Variants in DCC observed in about 807,000 individuals in gnomAD.
DCC encodes netrin receptor DCC.
In DCC, 58 loss-of-function variants were observed where a neutral mutation model predicts 172.5. The observed-to-expected ratio is 0.34, with a 90% confidence interval of 0.27 to 0.42. The LOEUF (loss-of-function observed/expected upper bound fraction) is 0.42, where lower values mean the gene tolerates loss of function less well. DCC is among the 10% of genes least tolerant of loss of function. The pLI is 1.00. For synonymous variants in DCC, 709 were observed against 644.5 expected, an observed-to-expected ratio of 1.10 and a Z score of -1.52; for missense variants, 1,740 against 1,791.0, an observed-to-expected ratio of 0.97 and a Z score of 0.51.
At chr18:52,760,666 C>T (rs1308694725) in intron 2 of DCC, among the ~76,000 whole-genome samples, 2 of 152,138 alleles carry the variant, frequency 1.3e-5, no homozygotes, top group African/African-American at 2.4e-5. Context: ...ATTTCTGGTA[C>T]TGATTTTTGT....
intron 2 of DCC, among the ~76,000 whole-genome samples, chr18:52,847,331 T>A (rs1017791806): frequency 1.3e-5 from 2 of 152,220 alleles, no homozygotes; most frequent in African/African-American, 4.8e-5. Context: ...GCCATTGTGT[T>A]GGAGTAGAAT....
intron 2 of DCC, among the ~76,000 whole-genome samples, chr18:52,862,918 C>G (rs2039166581): frequency 6.6e-6 from 1 of 152,070 alleles, no homozygotes; most frequent in Non-Finnish European, 1.5e-5. Flanking sequence ...TAATGCTACA[C>G]AAATATCTTG....
At chr18:53,145,473 G>A (rs2043898384) in intron 7 of DCC, among the ~76,000 whole-genome samples, 1 of 152,154 alleles carries the variant, frequency 6.6e-6, no homozygotes, top group Non-Finnish European at 1.5e-5. Context: ...GAGCTGTCTT[G>A]CCCTTTCTAC....
chr18:52,372,071 A>G (rs187041864), intron 1 of DCC, among the ~76,000 whole-genome samples: 38 of 152,352 alleles, frequency 2.5e-4, no homozygotes, highest in Admixed American at 2.3e-3. Context: ...ATATCAGAAT[A>G]TGTCAAACAA....
intron 12 of DCC, among the ~76,000 whole-genome samples, chr18:53,257,185 C>T (rs2056529007): frequency 6.6e-6 from 1 of 152,138 alleles, no homozygotes; most frequent in African/African-American, 2.4e-5. Flanking sequence ...TCCTCTTTTC[C>T]TAATTGAATA....
At chr18:53,254,059 T>G (rs1568392915) in intron 12 of DCC, among the ~76,000 whole-genome samples, 1 of 152,030 alleles carries the variant, frequency 6.6e-6, no homozygotes, top group Non-Finnish European at 1.5e-5. Flanking sequence ...AGGAGAGTTG[T>G]AAAAGCTAAT....
intron 15 of DCC, among the ~76,000 whole-genome samples, chr18:53,360,806 A>T (rs2057936943): frequency 6.6e-6 from 1 of 152,188 alleles, no homozygotes; most frequent in Non-Finnish European, 1.5e-5. Context: ...ATTTTCTTCT[A>T]CAAGCATTTA....
At chr18:52,596,849 A>T (rs2033918870) in intron 1 of DCC, among the ~76,000 whole-genome samples, 1 of 152,150 alleles carries the variant, frequency 6.6e-6, no homozygotes. Flanking sequence ...CAGGTCAGCA[A>T]TCTTGCCTGG....
At chr18:53,307,334 G>A (rs1009439797) in intron 13 of DCC, among the ~76,000 whole-genome samples, 1 of 151,982 alleles carries the variant, frequency 6.6e-6, no homozygotes, top group South Asian at 2.1e-4. Flanking sequence ...TGGGGAAGAT[G>A]GTAAAAATAA....
intron 2 of DCC, among the ~76,000 whole-genome samples, chr18:52,882,250 G>A (rs895946951): frequency 1.3e-5 from 2 of 150,328 alleles, no homozygotes; most frequent in African/African-American, 2.4e-5. Context: ...TTTTGGGTTC[G>A]ACTTGCCCTT....
intron 9 of DCC, among the ~76,000 whole-genome samples, chr18:53,190,066 A>G (rs1173960354): frequency 6.6e-6 from 1 of 152,190 alleles, no homozygotes; most frequent in Non-Finnish European, 1.5e-5. Context: ...AGCTGGGATT[A>G]CAGGCATGCG....
At chr18:53,281,368 T>C (rs2056869796) in intron 12 of DCC, among the ~76,000 whole-genome samples, 1 of 152,300 alleles carries the variant, frequency 6.6e-6, no homozygotes, top group Admixed American at 6.6e-5. Flanking sequence ...ACAGAAATTC[T>C]GACTATATAA....
intron 2 of DCC, among the ~76,000 whole-genome samples, chr18:52,762,850 T>C (rs1436026338): frequency 6.6e-6 from 1 of 152,140 alleles, no homozygotes; most frequent in Non-Finnish European, 1.5e-5. Flanking sequence ...ATATGTGGGA[T>C]ATAGTTTGTG....
chr18:52,352,388 A>G (rs1219077478), intron 1 of DCC, among the ~76,000 whole-genome samples: 3 of 152,164 alleles, frequency 2.0e-5, no homozygotes, highest in East Asian at 3.9e-4. Flanking sequence ...AATCAATCAC[A>G]TCATGGTTTA....
chr18:52,852,546 TTTTG>T (rs933313484), intron 2 of DCC, among the ~76,000 whole-genome samples: 44 of 151,786 alleles, frequency 2.9e-4, no homozygotes, highest in African/African-American at 9.5e-4. Context: ...GGTGAAAATG[TTTTG>T]TTTATTTCTA....
intron 26 of DCC, among the ~76,000 whole-genome samples, chr18:53,498,952 C>T (rs542939378): frequency 6.6e-6 from 1 of 152,272 alleles, no homozygotes; most frequent in Non-Finnish European, 1.5e-5. Flanking sequence ...ATTTCACTGA[C>T]ATTGCTACTT....
At chr18:52,616,954 C>A (rs1399696413) in intron 1 of DCC, among the ~76,000 whole-genome samples, 2 of 152,030 alleles carry the variant, frequency 1.3e-5, no homozygotes, top group Non-Finnish European at 2.9e-5. Context: ...AGAGAGGAGA[C>A]AAGAAAGGTA....
At chr18:53,040,480 G>T (rs762720476) in intron 5 of DCC, among the ~76,000 whole-genome samples, 4 of 151,960 alleles carry the variant, frequency 2.6e-5, no homozygotes, top group Non-Finnish European at 4.4e-5. Context: ...CACTGAATCA[G>T]AAGCTCTGGG....
intron 7 of DCC, among the ~76,000 whole-genome samples, chr18:53,081,642 A>G (rs2042806009): frequency 6.6e-6 from 1 of 152,050 alleles, no homozygotes; most frequent in Non-Finnish European, 1.5e-5. Flanking sequence ...TACACAGCTA[A>G]TGTGTAAAAT....
Sources: gnomAD v4.1 joint callset for allele counts (sites outside exome capture counted in the v4.1 genomes callset) on GRCh38, gnomAD v4.1.1 for gene constraint, MANE v1.5 for transcripts, NCBI Gene and HGNC (gene_info 2026-07-23, HGNC 2026-07-21) for gene names.